The following HIVEP3 variants were observed in gnomAD, a reference collection of about 807,000 sequenced individuals.
The protein encoded by HIVEP3 is HIVEP zinc finger 3.
A neutral mutation model predicts 152.8 loss-of-function variants in HIVEP3; 49 were observed. The ratio of observed to expected loss-of-function variants is 0.32; its 90% CI spans 0.26 to 0.41. The LOEUF is 0.41. Ranked by LOEUF, HIVEP3 falls within the 10% of genes least tolerant of loss-of-function variation. The probability of loss-of-function intolerance (pLI) is 1.00; values close to 1 mark genes in which losing one functional copy is unlikely to be tolerated. For missense variants in HIVEP3, 2,790 were observed against 3,103.3 expected (o/e 0.90, Z 2.40); for synonymous variants, 1,269 against 1,289.0 (o/e 0.98, Z 0.33).
intron 1 of HIVEP3, among the ~76,000 whole-genome samples, chr1:41,825,820 C>A (rs1317480355): frequency 6.6e-6 from 1 of 151,956 alleles, no homozygotes; most frequent in Non-Finnish European, 1.5e-5. Flanking sequence ...GTTGCCCAAG[C>A]TGGTCTCGAA....
At chr1:41,736,814 G>A (rs566331826) in intron 1 of HIVEP3, among the ~76,000 whole-genome samples, 238 of 152,300 alleles carry the variant, frequency 1.6e-3, no homozygotes, top group Non-Finnish European at 2.3e-3. Flanking sequence ...CATCATGACC[G>A]GGGCAGGATG....
At chr1:41,545,043 A>T (rs879106922) in intron 5 of HIVEP3, among the ~76,000 whole-genome samples, 7 of 88,450 alleles carry the variant, frequency 7.9e-5, no homozygotes, top group South Asian at 8.1e-4. Flanking sequence ...CACCAATACC[A>T]CTACCACCAC....
chr1:41,514,285 TAGG>T (rs891540033), intron 7 of HIVEP3, among the ~76,000 whole-genome samples: 1 of 152,166 alleles, frequency 6.6e-6, no homozygotes, highest in African/African-American at 2.4e-5. Flanking sequence ...CCAGGTTTTC[TAGG>T]AGGACTAAAA....
At chr1:41,753,831 A>G (rs1647209858) in intron 1 of HIVEP3, among the ~76,000 whole-genome samples, 1 of 152,182 alleles carries the variant, frequency 6.6e-6, no homozygotes, top group African/African-American at 2.4e-5. Context: ...GACATTAGGC[A>G]TACAGCAGCC....
At chr1:41,994,216 C>G (rs1413865961) in intron 1 of HIVEP3, among the ~76,000 whole-genome samples, 10 of 150,614 alleles carry the variant, frequency 6.6e-5, no homozygotes, top group Admixed American at 5.9e-4. Context: ...TTATCTTAGG[C>G]CTCAAATAAT....
chr1:42,026,302 C>T (rs1645581919), intron 1 of HIVEP3, among the ~76,000 whole-genome samples: 1 of 152,132 alleles, frequency 6.6e-6, no homozygotes, highest in South Asian at 2.1e-4. Context: ...TGACAAAAAC[C>T]TCCTTGTCCT....
intron 1 of HIVEP3, among the ~76,000 whole-genome samples, chr1:41,979,163 C>A (rs1298604126): frequency 6.6e-6 from 1 of 152,134 alleles, no homozygotes; most frequent in African/African-American, 2.4e-5. Flanking sequence ...ATTCTAGGGA[C>A]CCAGCCCAAG....
chr1:42,034,094 A>G (rs1323076185), intron 1 of HIVEP3, among the ~76,000 whole-genome samples: 2 of 152,242 alleles, frequency 1.3e-5, no homozygotes, highest in African/African-American at 4.8e-5. Flanking sequence ...AATCAAAACC[A>G]AATCTTGTTA....
chr1:41,713,819 T>G (rs1646550335), intron 1 of HIVEP3, among the ~76,000 whole-genome samples: 1 of 152,188 alleles, frequency 6.6e-6, no homozygotes, highest in Non-Finnish European at 1.5e-5. Context: ...AGCTCTGGAA[T>G]GCAGGGAAAT....
chr1:42,032,704 C>T (rs57899954), intron 1 of HIVEP3, among the ~76,000 whole-genome samples: 1,682 of 152,116 alleles, frequency 0.011, 27 homozygotes, highest in African/African-American at 0.038. Flanking sequence ...CTCTTGCTTA[C>T]GGACAGGCAG....
intron 1 of HIVEP3, among the ~76,000 whole-genome samples, chr1:41,723,689 A>G (rs1185148125): frequency 6.6e-6 from 1 of 152,246 alleles, no homozygotes; most frequent in African/African-American, 2.4e-5. Flanking sequence ...TGAAAAGCCA[A>G]TGGGAGAAAA....
In HIVEP3 at chr1:41,580,419, T is replaced by C. The variant is rs747406733; in HGVS notation, c.4379A>G (p.Glu1460Gly). The C allele has an allele frequency of 9.9e-6, 16 of 1,614,180 alleles. No homozygotes were observed. In the East Asian group the frequency reaches 3.6e-4, roughly 36 times the overall value. ...VKEEEASKAD[E>G]KLELVKPCSV... ...GCATGGTTTTACCAGCTCAAGTTTTTCATCTGCCTTGGAAGCCTCCTCCTC... is the reference window on the plus strand; with the variant it reads ...GCATGGTTTTACCAGCTCAAGTTTTCCATCTGCCTTGGAAGCCTCCTCCTC... The change falls in exon 4 of 9, where the codon GAA (glutamate) becomes GGA (glycine). Residue 1460 changes from glutamate (E) to glycine (G), a missense_variant. By Grantham distance (98) the Glu-to-Gly change is moderately conservative (BLOSUM62 -2). This residue lies in a region of HIVEP3 where 1,078 missense variants were observed against 1,165.3 expected (regional missense o/e 0.93). Coordinates refer to ENST00000372583, the MANE Select transcript of HIVEP3 (RefSeq NM_024503.5).
intron 1 of HIVEP3, among the ~76,000 whole-genome samples, chr1:41,742,875 A>G (rs1316331791): frequency 6.6e-6 from 1 of 152,140 alleles, no homozygotes; most frequent in Non-Finnish European, 1.5e-5. Flanking sequence ...GCAGTCTCTA[A>G]AGCTGGGCCC....
At chr1:41,565,555 C>CAG (rs67612053) in intron 5 of HIVEP3, among the ~76,000 whole-genome samples, 3,496 of 149,070 alleles carry the variant, frequency 0.023, 72 homozygotes, top group Admixed American at 0.051. Context: ...CACACACACA[C>CAG]AGAGAGAGAG....
At chr1:41,925,585 C>T (rs1028261310) in intron 1 of HIVEP3, among the ~76,000 whole-genome samples, 1 of 152,102 alleles carries the variant, frequency 6.6e-6, no homozygotes, top group Non-Finnish European at 1.5e-5. Context: ...ATAAGAAAAT[C>T]TGCATATAGT....
At chr1:41,706,429 G>A (rs1646435121) in intron 1 of HIVEP3, among the ~76,000 whole-genome samples, 1 of 152,090 alleles carries the variant, frequency 6.6e-6, no homozygotes, top group Non-Finnish European at 1.5e-5. Flanking sequence ...TTACATGTGT[G>A]CACCACCACA....
At chr1:42,016,160 T>C (rs1372475477) in intron 1 of HIVEP3, among the ~76,000 whole-genome samples, 1 of 152,222 alleles carries the variant, frequency 6.6e-6, no homozygotes, top group Non-Finnish European at 1.5e-5. Flanking sequence ...CATACATATG[T>C]GAGCAAACGT....
At chr1:41,965,234 C>T (rs1645191207) in intron 1 of HIVEP3, among the ~76,000 whole-genome samples, 1 of 152,174 alleles carries the variant, frequency 6.6e-6, no homozygotes, top group South Asian at 2.1e-4. Context: ...AAAGATCCCA[C>T]AAAACCCCAT....
chr1:41,634,861 G>T (rs1301297389), intron 2 of HIVEP3, among the ~76,000 whole-genome samples: 1 of 152,088 alleles, frequency 6.6e-6, no homozygotes, highest in Non-Finnish European at 1.5e-5. Flanking sequence ...GACATTCTTG[G>T]AATCACAAGG....
Sources: allele counts gnomAD v4.1 joint callset (sites outside exome capture counted in the v4.1 genomes callset), GRCh38; gene constraint gnomAD v4.1.1; regional missense constraint gnomAD v4.1.1; transcripts MANE v1.5; gene names NCBI Gene and HGNC (gene_info 2026-07-23, HGNC 2026-07-21).